The following HDAC9 variants were observed in gnomAD, a reference collection of about 807,000 sequenced individuals.
HDAC9 encodes histone deacetylase 9.
Under a neutral mutation model 139.4 loss-of-function variants are expected in HDAC9, and 41 were observed. The observed-to-expected ratio is 0.29, with a 90% CI of 0.23 to 0.38. The LOEUF is 0.38. Among genes scored for constraint, HDAC9 ranks in the 10% least tolerant of loss-of-function variants. The pLI is 1.00. For synonymous variants in HDAC9, 517 were observed against 476.2 expected (o/e 1.09, Z -1.12); for missense variants, 1,147 against 1,297.0 (o/e 0.88, Z 1.78).
intron 11 of HDAC9, among the ~76,000 whole-genome samples, chr7:18,662,884 T>C (rs772236393): frequency 6.6e-6 from 1 of 152,100 alleles, no homozygotes; most frequent in East Asian, 1.9e-4. Context: ...GTAATTTGTT[T>C]GTTTGTTTCC....
chr7:18,819,615 C>T (rs191110800), intron 17 of HDAC9, among the ~76,000 whole-genome samples: 6 of 152,124 alleles, frequency 3.9e-5, no homozygotes, highest in Admixed American at 1.3e-4. Context: ...ATGGTCCCAC[C>T]GGAAAACATC....
At chr7:18,640,265 A>G (rs892567680) in intron 8 of HDAC9, among the ~76,000 whole-genome samples, 6 of 146,328 alleles carry the variant, frequency 4.1e-5, no homozygotes, top group Non-Finnish European at 9.0e-5. Context: ...AACAAACATT[A>G]GCCAGGAGTT....
At chr7:18,417,192 T>C (rs1789155772) in intron 1 of HDAC9, among the ~76,000 whole-genome samples, 1 of 152,222 alleles carries the variant, frequency 6.6e-6, no homozygotes, top group Non-Finnish European at 1.5e-5. Flanking sequence ...AATCTTTTCT[T>C]CTGCATTGTC....
At chr7:18,977,919 GACACACACACACACACACACACACAC>G (rs147049392) in intron 25 of HDAC9, among the ~76,000 whole-genome samples, 1 of 140,930 alleles carries the variant, frequency 7.1e-6, no homozygotes, top group Non-Finnish European at 1.5e-5. Flanking sequence ...CAGACAGACA[GACACACACACACACACACACACACAC>G]ACACACACAC....
At chr7:18,532,722 G>A (rs1412601550) in intron 2 of HDAC9, among the ~76,000 whole-genome samples, 3 of 151,796 alleles carry the variant, frequency 2.0e-5, no homozygotes, top group Admixed American at 6.6e-5. Context: ...AAAAGGAAAA[G>A]GTCTTTTAAT....
intron 2 of HDAC9, among the ~76,000 whole-genome samples, chr7:18,529,478 TATAG>T (rs1311659755): frequency 2.0e-5 from 3 of 152,208 alleles, no homozygotes; most frequent in Non-Finnish European, 2.9e-5. Flanking sequence ...TGAATGCTTG[TATAG>T]ATTTCCAAAG....
At chr7:18,838,288 C>T (rs548118052) in intron 21 of HDAC9, among the ~76,000 whole-genome samples, 69 of 152,002 alleles carry the variant, frequency 4.5e-4, no homozygotes, top group Non-Finnish European at 4.7e-4. Context: ...AGAACAGAAG[C>T]GCTCAGAGCA....
chr7:18,748,805 C>T (rs1162310423), intron 13 of HDAC9, among the ~76,000 whole-genome samples, 200 bp from the exon 14 acceptor site: 2 of 152,210 alleles, frequency 1.3e-5, no homozygotes, highest in African/African-American at 4.8e-5. Context: ...TGCGTAAGTT[C>T]GTGTTTTTGA....
At chr7:18,087,356 A>G (rs530338078) in intron 1 of HDAC9, 3 of 152,156 alleles carry the variant, frequency 2.0e-5, no homozygotes, top group African/African-American at 7.2e-5. Flanking sequence ...CTCTGATGCC[A>G]CTTGCCTTGC....
intron 13 of HDAC9, among the ~76,000 whole-genome samples, chr7:18,732,723 A>T (rs1485165577): frequency 2.1e-5 from 2 of 97,556 alleles, no homozygotes; most frequent in Non-Finnish European, 4.3e-5. Context: ...ATGTGTACAC[A>T]CACACACGTG....
chr7:18,602,092 T>C (rs1307161933), intron 6 of HDAC9, among the ~76,000 whole-genome samples: 3 of 152,158 alleles, frequency 2.0e-5, no homozygotes, highest in African/African-American at 7.2e-5. Context: ...TTGGACCTGG[T>C]GCTTTCCTTT....
intron 25 of HDAC9, among the ~76,000 whole-genome samples, chr7:18,990,978 G>C (rs978138783): frequency 6.6e-6 from 1 of 152,220 alleles, no homozygotes; most frequent in Admixed American, 6.5e-5. Flanking sequence ...CGGTACCTCA[G>C]ATGGAAATGC....
At chr7:18,252,491 G>T (rs1469778306) in intron 2 of HDAC9, among the ~76,000 whole-genome samples, 1 of 152,000 alleles carries the variant, frequency 6.6e-6, no homozygotes, top group Non-Finnish European at 1.5e-5. Context: ...ATACCCTAAG[G>T]TGCATGAAAC....
chr7:18,590,794 A>G (rs1046646311), intron 4 of HDAC9, among the ~76,000 whole-genome samples: 12 of 152,154 alleles, frequency 7.9e-5, no homozygotes, highest in African/African-American at 2.9e-4. Flanking sequence ...TTTAATAATC[A>G]GCTTGTATCC....
chr7:18,468,807 G>A (rs1159780788), intron 1 of HDAC9, among the ~76,000 whole-genome samples: 1 of 152,200 alleles, frequency 6.6e-6, no homozygotes, highest in African/African-American at 2.4e-5. Flanking sequence ...AATGATTCCT[G>A]TGTTGTCTTC....
chr7:18,317,886 A>T (rs1799767668), intron 1 of HDAC9, among the ~76,000 whole-genome samples: 1 of 152,234 alleles, frequency 6.6e-6, no homozygotes, highest in East Asian at 1.9e-4. Flanking sequence ...AAAGTTCTTC[A>T]TAAATTTTAT....
chr7:18,404,055 A>C (rs912382044), intron 1 of HDAC9, among the ~76,000 whole-genome samples: 1 of 152,232 alleles, frequency 6.6e-6, no homozygotes, highest in South Asian at 2.1e-4. Flanking sequence ...AGAAACTGAC[A>C]GGCCAATGCA....
At chr7:18,392,088 G>A (rs1786540441) in intron 1 of HDAC9, among the ~76,000 whole-genome samples, 1 of 152,086 alleles carries the variant, frequency 6.6e-6, no homozygotes, top group Admixed American at 6.5e-5. Context: ...GAAGTTTTGA[G>A]TCACACAGAT....
At chr7:18,939,489 G>T (rs896489066) in intron 23 of HDAC9, among the ~76,000 whole-genome samples, 2 of 152,124 alleles carry the variant, frequency 1.3e-5, no homozygotes, top group Non-Finnish European at 2.9e-5. Flanking sequence ...ACACATTAAA[G>T]AATGGAGAGT....
Sources: gnomAD v4.1 joint callset for allele counts (sites outside exome capture counted in the v4.1 genomes callset) on GRCh38, gnomAD v4.1.1 for gene constraint, MANE v1.5 for transcripts, NCBI Gene and HGNC (gene_info 2026-07-23, HGNC 2026-07-21) for gene names.